The following XKR9 variants were observed in gnomAD, a reference collection of about 807,000 sequenced individuals.
XKR9 encodes the protein XK related 9.
A neutral mutation model predicts 32.0 loss-of-function variants in XKR9; 32 were observed. That is an observed-to-expected ratio of 1.00 (90% CI 0.76 to 1.34). XKR9 has a LOEUF of 1.34. Ranked by LOEUF, XKR9 falls within the 40% of genes most tolerant of loss-of-function variation. XKR9 has a pLI of 0.00. For synonymous variants in XKR9, 168 were observed against 143.4 expected (o/e 1.17, Z -1.22); for missense variants, 546 against 429.7 (o/e 1.27, Z -2.39).
the XKR9 span, among the ~76,000 whole-genome samples, chr8:71,060,857 G>A: frequency 2.6e-5 from 4 of 152,298 alleles, no homozygotes; most frequent in African/African-American, 7.2e-5. Context: ...CACATGGTTA[G>A]TAAGAGACAA....
the XKR9 span, among the ~76,000 whole-genome samples, chr8:70,952,091 T>G: frequency 1.4e-5 from 2 of 146,282 alleles, no homozygotes; most frequent in Admixed American, 1.4e-4. Flanking sequence ...AGACAGTGCT[T>G]TTTCATTATA....
At chr8:70,851,076 C>T in the XKR9 span, among the ~76,000 whole-genome samples, 7 of 152,324 alleles carry the variant, frequency 4.6e-5, no homozygotes, top group African/African-American at 1.7e-4. Flanking sequence ...TAAGCAACTT[C>T]AGCAAAGTCT....
chr8:70,692,731 G>A (rs930110841), intron 3 of XKR9, among the ~76,000 whole-genome samples: 3 of 151,800 alleles, frequency 2.0e-5, no homozygotes, highest in East Asian at 1.9e-4. Context: ...GGTGCCCACC[G>A]CCACATCCAG....
At chr8:70,817,287 C>A in the XKR9 span, among the ~76,000 whole-genome samples, 2 of 152,060 alleles carry the variant, frequency 1.3e-5, no homozygotes, top group Non-Finnish European at 2.9e-5. Flanking sequence ...TTCCAAGATG[C>A]AAAATCAGTG....
chr8:70,972,500 T>C, the XKR9 span, among the ~76,000 whole-genome samples: 4 of 152,174 alleles, frequency 2.6e-5, no homozygotes, highest in African/African-American at 7.2e-5. Context: ...TACAGTACTA[T>C]GTTGAATAGA....
At chr8:70,814,029 A>G in the XKR9 span, among the ~76,000 whole-genome samples, 405 of 152,300 alleles carry the variant, frequency 2.7e-3, 1 homozygote, top group Non-Finnish European at 4.3e-3. Flanking sequence ...AATAGCAAAG[A>G]CTTGGAACCA....
At chr8:70,806,009 G>A in the XKR9 span, among the ~76,000 whole-genome samples, 33 of 152,200 alleles carry the variant, frequency 2.2e-4, no homozygotes, top group African/African-American at 7.9e-4. Flanking sequence ...AATCCTACTG[G>A]CATCAGGTTG....
At chr8:70,688,742 A>G (rs1017973556) in intron 3 of XKR9, among the ~76,000 whole-genome samples, 47 of 149,428 alleles carry the variant, frequency 3.1e-4, no homozygotes, top group Non-Finnish European at 6.4e-4. Flanking sequence ...AATTGATTGG[A>G]AAAAAAAGGA....
intron 2 of XKR9, among the ~76,000 whole-genome samples, chr8:70,783,367 C>G (rs763460612): frequency 5.3e-5 from 8 of 152,080 alleles, no homozygotes; most frequent in Non-Finnish European, 1.2e-4. Context: ...GCTGGGACTA[C>G]AGGCACCTGC....
chr8:70,787,519 G>A (rs910719290), intron 2 of XKR9, among the ~76,000 whole-genome samples: 1 of 152,072 alleles, frequency 6.6e-6, no homozygotes, highest in South Asian at 2.1e-4. Flanking sequence ...GCAGTGTTTA[G>A]GTGCTTTAGC....
intron 2 of XKR9, among the ~76,000 whole-genome samples, chr8:70,751,369 T>C (rs1807138397): frequency 6.6e-6 from 1 of 152,152 alleles, no homozygotes; most frequent in South Asian, 2.1e-4. Flanking sequence ...CCTCAAGTGA[T>C]CTACCTGACT....
the XKR9 span, among the ~76,000 whole-genome samples, chr8:71,059,726 T>C: frequency 1.3e-5 from 2 of 152,146 alleles, no homozygotes; most frequent in African/African-American, 2.4e-5. Flanking sequence ...TCACTTATCA[T>C]AGAAGTTAGA....
chr8:70,972,037 G>T, the XKR9 span, among the ~76,000 whole-genome samples: 1 of 152,040 alleles, frequency 6.6e-6, no homozygotes, highest in Non-Finnish European at 1.5e-5. Flanking sequence ...TGAATTTGTA[G>T]ATTGCTTTTG....
At chr8:71,038,693 A>G in the XKR9 span, among the ~76,000 whole-genome samples, 1 of 148,052 alleles carries the variant, frequency 6.8e-6, no homozygotes, top group African/African-American at 2.5e-5. Flanking sequence ...AAACATATTA[A>G]TTGTATTACT....
the XKR9 span, among the ~76,000 whole-genome samples, chr8:71,049,562 C>T: frequency 1.3e-4 from 20 of 152,174 alleles, no homozygotes; most frequent in African/African-American, 4.8e-4. Flanking sequence ...ACAAACCAAC[C>T]ATCTGAGTTG....
the XKR9 span, among the ~76,000 whole-genome samples, chr8:70,932,513 C>T: frequency 2.0e-5 from 3 of 152,134 alleles, no homozygotes; most frequent in African/African-American, 7.2e-5. Context: ...GACATTTCAG[C>T]ACCAGGACCT....
chr8:70,795,186 G>C (rs535800382), downstream of XKR9, among the ~76,000 whole-genome samples: 11 of 151,914 alleles, frequency 7.2e-5, no homozygotes, highest in African/African-American at 2.4e-4. Context: ...TGTGTTCATA[G>C]GTTCTCATTA....
intron 3 of XKR9, chr8:70,683,727 A>T (rs1438408570): frequency 3.2e-6 from 1 of 311,426 alleles, no homozygotes; most frequent in Non-Finnish European, 6.3e-6. Context: ...ACCTCAAGTG[A>T]TCCACCCACC....
Position 70,698,894 on chromosome 8 carries a change from G to T in XKR9, c.273-8039G>T, listed in dbSNP as rs188378631. ...CTGTATTGGGTGCATATATATTTAG[G>T]ATAGTGAGCTCTTCTTGTTGAATTG... On this transcript the variant is annotated intron_variant, in intron 3 of 4. Coordinates refer to ENST00000408926, the MANE Select transcript of XKR9 (RefSeq NM_001011720.2). 4.6e-5 allele frequency among the ~76,000 whole-genome samples: 7 copies of T among 152,242 alleles called. No individual in the cohort carries two copies. In the East Asian group the frequency reaches 1.3e-3, roughly 29 times the overall value.
Sources: gnomAD v4.1 joint callset for allele counts (sites outside exome capture counted in the v4.1 genomes callset) on GRCh38, gnomAD v4.1.1 for gene constraint, MANE v1.5 for transcripts, NCBI Gene and HGNC (gene_info 2026-07-23, HGNC 2026-07-21) for gene names.